The following PSD3 variants were observed in gnomAD, a reference collection of about 807,000 sequenced individuals.
PSD3 encodes PH and SEC7 domain-containing protein 3.
PSD3 carries 49 observed loss-of-function variants against 105.5 expected under a neutral mutation model. That is an observed-to-expected ratio of 0.46 (90% CI 0.37 to 0.59). PSD3 has a LOEUF of 0.59. Ranked by LOEUF, PSD3 falls within the 20% of genes least tolerant of loss-of-function variation. PSD3 has a pLI of 0.00. For missense variants in PSD3, 1,561 were observed against 1,263.8 expected (o/e 1.24, Z -3.57); for synonymous variants, 557 against 457.8 (o/e 1.22, Z -2.77).
intron 2 of PSD3, among the ~76,000 whole-genome samples, chr8:18,916,487 T>A (rs1423333733): frequency 6.6e-6 from 1 of 151,448 alleles, no homozygotes; most frequent in Non-Finnish European, 1.5e-5. Flanking sequence ...AGGCACAGAA[T>A]GACAAATACT....
intron 9 of PSD3, among the ~76,000 whole-genome samples, chr8:18,678,800 A>G (rs6997385): frequency 0.86 from 130,857 of 151,870 alleles, 58,287 homozygotes; most frequent in Non-Finnish European, 0.99. Flanking sequence ...CAACAAAAGC[A>G]AAACTCCGTC....
intron 1 of PSD3, among the ~76,000 whole-genome samples, chr8:18,939,888 G>A (rs1024018357): frequency 9.2e-5 from 14 of 152,034 alleles, no homozygotes; most frequent in African/African-American, 2.9e-4. Context: ...CTATTTAATA[G>A]AATATAAGTA....
chr8:18,920,188 C>T (rs1820915734), intron 2 of PSD3, among the ~76,000 whole-genome samples: 1 of 152,056 alleles, frequency 6.6e-6, no homozygotes, highest in African/African-American at 2.4e-5. Flanking sequence ...TTTAAAACAG[C>T]AATTCTCAAC....
rs1321455550 is a variant in PSD3, at chr8:19,006,170, G to A, written c.21+7393C>T. ...TAGCTGGGTGTGGTGGCACGTGCCT[G>A]TAATCTCAGCTACTCGGGAGGTGGA... On this transcript the variant is annotated intron_variant, in intron 1 of 15. Transcript: ENST00000327040. Among the ~76,000 whole-genome samples the A allele has an allele frequency of 3.3e-5, 5 of 151,442 alleles. No individual in the cohort carries two copies. The East Asian group carries it at 5.8e-4, about 18-fold the overall frequency.
At chr8:18,559,080 T>C (rs966182343) in intron 14 of PSD3, among the ~76,000 whole-genome samples, 2 of 152,188 alleles carry the variant, frequency 1.3e-5, no homozygotes, top group African/African-American at 4.8e-5. Context: ...ATAAATGATG[T>C]TGCAACAGAC....
chr8:18,885,276 T>G (rs1818383266), intron 2 of PSD3, among the ~76,000 whole-genome samples: 1 of 152,178 alleles, frequency 6.6e-6, no homozygotes, highest in African/African-American at 2.4e-5. Context: ...CTTTACTGAC[T>G]CTTTAGTTTT....
chr8:18,567,680 A>G (rs746708038), intron 14 of PSD3, among the ~76,000 whole-genome samples: 2 of 152,236 alleles, frequency 1.3e-5, no homozygotes, highest in African/African-American at 4.8e-5. Flanking sequence ...TTCTGTTTTT[A>G]TAACTATGGC....
intron 8 of PSD3, among the ~76,000 whole-genome samples, chr8:18,790,544 T>C (rs902354350): frequency 2.6e-4 from 40 of 152,212 alleles, no homozygotes; most frequent in Middle Eastern, 3.4e-3. Context: ...CCTCGTGATC[T>C]GCCCACCTTG....
At chr8:18,724,524 G>A in intron 9 of PSD3, among the ~76,000 whole-genome samples, 1 of 151,944 alleles carries the variant, frequency 6.6e-6, no homozygotes. Context: ...GAGGCAGGAG[G>A]ATCACTTGAG....
intron 11 of PSD3, among the ~76,000 whole-genome samples, chr8:18,619,416 A>G (rs12155991): frequency 0.53 from 80,460 of 152,006 alleles, 21,705 homozygotes; most frequent in Middle Eastern, 0.7. Flanking sequence ...AGGCCGAGGC[A>G]AGTGCATCAT....
intron 1 of PSD3, among the ~76,000 whole-genome samples, chr8:19,064,359 A>G (rs1050424887): frequency 4.6e-5 from 7 of 152,092 alleles, no homozygotes; most frequent in African/African-American, 7.2e-5. Flanking sequence ...ATTTTTAATT[A>G]TTAACTATGT....
chr8:18,619,453 T>G (rs1805947846), intron 11 of PSD3, among the ~76,000 whole-genome samples: 1 of 152,148 alleles, frequency 6.6e-6, no homozygotes, highest in South Asian at 2.1e-4. Flanking sequence ...GAGACCAGCC[T>G]GACCAACAAG....
chr8:19,042,037 A>G (rs1233743512), intron 1 of PSD3, among the ~76,000 whole-genome samples: 9 of 152,238 alleles, frequency 5.9e-5, no homozygotes, highest in Non-Finnish European at 1.2e-4. Flanking sequence ...CTTTAAGAGA[A>G]AAAACAATTT....
intron 4 of PSD3, among the ~76,000 whole-genome samples, chr8:18,858,430 G>A (rs1327690544): frequency 6.6e-6 from 1 of 152,146 alleles, no homozygotes; most frequent in Non-Finnish European, 1.5e-5. Flanking sequence ...AGAAGGTTGC[G>A]GTGGCTGTGG....
chr8:18,693,550 C>T (rs1428812959), intron 9 of PSD3, among the ~76,000 whole-genome samples: 1 of 152,200 alleles, frequency 6.6e-6, no homozygotes, highest in Non-Finnish European at 1.5e-5. Context: ...TATTCCCTGT[C>T]CCTGTAAGCT....
intron 8 of PSD3, among the ~76,000 whole-genome samples, chr8:18,777,163 C>T (rs1175476054): frequency 6.6e-6 from 1 of 152,032 alleles, no homozygotes. Flanking sequence ...GTGCCTCAGC[C>T]TCCCGTGTAG....
At chr8:18,771,223 G>A (rs1372918658) in intron 8 of PSD3, among the ~76,000 whole-genome samples, 1 of 152,146 alleles carries the variant, frequency 6.6e-6, no homozygotes, top group African/African-American at 2.4e-5. Flanking sequence ...AGGAAATCAG[G>A]GATGTAAGTT....
intron 11 of PSD3, among the ~76,000 whole-genome samples, chr8:18,613,841 T>C (rs1285337044): frequency 6.6e-6 from 1 of 152,180 alleles, no homozygotes; most frequent in African/African-American, 2.4e-5. Context: ...CATGATATCC[T>C]GAAAAACAGC....
At chr8:18,765,916 G>A (rs532550061) in intron 8 of PSD3, among the ~76,000 whole-genome samples, 17 of 150,094 alleles carry the variant, frequency 1.1e-4, no homozygotes, top group East Asian at 6.0e-4. Flanking sequence ...TGCAGCGAGC[G>A]GAGATGGTGC....
Sources: gnomAD v4.1 joint callset for allele counts (sites outside exome capture counted in the v4.1 genomes callset) on GRCh38, gnomAD v4.1.1 for gene constraint, MANE v1.5 for transcripts, NCBI Gene and HGNC (gene_info 2026-07-23, HGNC 2026-07-21) for gene names.